HIF1AN: variants seen among roughly 807,000 people sequenced by gnomAD.
HIF1AN encodes the protein hypoxia-inducible factor 1-alpha inhibitor.
A neutral mutation model predicts 47.7 loss-of-function variants in HIF1AN; 21 were observed. That is an observed-to-expected ratio of 0.44 (90% CI 0.31 to 0.63). The LOEUF (loss-of-function observed/expected upper bound fraction) is 0.63. HIF1AN is among the 30% of genes least tolerant of loss of function. The pLI is 0.07. For synonymous variants in HIF1AN, 152 were observed against 155.9 expected (o/e 0.98, Z 0.18); for missense variants, 320 against 432.7 (o/e 0.74, Z 2.31).
Position 100,547,166 on chromosome 10 carries a change from A to G in HIF1AN, c.921A>G (p.Glu307=), listed in dbSNP as rs1300649533. 1 of 1,613,766 alleles carries G rather than the reference A, an allele frequency of 6.2e-7. No homozygotes were observed. The highest frequency in any genetic ancestry group is 1.7e-5 in the Admixed American group (1 of 59,998). ...GGGCTCCCACCCCTAAGAGAATTGA[A>G]TATCCTCTCAAAGCTCATCAGAAAG... ...YKGAPTPKRI[E]YPLKAHQKVA... is the part of the protein sequence containing the mutation. Residue 307 remains glutamate, a synonymous_variant, in exon 7 of 8, where the codon GAA becomes GAG. Transcript: ENST00000299163.
rs1286854720 is a variant in HIF1AN, at chr10:100,554,915, C to G, written c.*6778C>G. ...ATGTTAATAGCTACCATTTGTTGAA[C>G]ACTTCTGTTCCAGGCACTGTATTAG... On this transcript the variant is annotated 3_prime_UTR_variant, in exon 8 of 8. Coordinates refer to ENST00000299163, the MANE Select transcript of HIF1AN (RefSeq NM_017902.3). The G allele has an allele frequency of 6.6e-6, 1 of 151,908 alleles. No individual in the cohort carries two copies. Among genetic ancestry groups the G allele is most frequent in the Non-Finnish European group, 1.5e-5 (1 of 67,986 alleles). The allele number at this position is 151,908 out of a possible 1,614,324, so 9.4% of individuals were successfully genotyped here.
Position 100,536,019 on chromosome 10 carries a change from G to C in HIF1AN, c.61G>C (p.Gly21Arg), listed in dbSNP as rs1401164215. The C allele has an allele frequency of 1.9e-6, 3 of 1,589,562 alleles. No homozygotes were observed. The South Asian group carries it at 3.4e-5, about 18-fold the overall frequency. ...SGSGEPREEAGALGPAWDESQ... is the reference protein window; with the variant it reads ...SGSGEPREEARALGPAWDESQ... Reference sequence around the variant, plus strand: ...CTCTGGAGAGCCCCGGGAGGAGGCTGGAGCCCTCGGCCCCGCCTGGGATGA... The same window carrying C: ...CTCTGGAGAGCCCCGGGAGGAGGCTCGAGCCCTCGGCCCCGCCTGGGATGA... The change falls in exon 1 of 8, where the codon GGA (glycine) becomes CGA (arginine). Residue 21 changes from glycine to arginine, a missense_variant. Gly to Arg is a moderately radical substitution (Grantham distance 125). Coordinates refer to ENST00000299163, the MANE Select transcript of HIF1AN (RefSeq NM_017902.3).
intron 3 of HIF1AN, 85 bp from the exon 4 acceptor site, chr10:100,544,866 G>T (rs1254844888): frequency 3.8e-6 from 5 of 1,303,950 alleles, no homozygotes; most frequent in Non-Finnish European, 5.3e-6. Flanking sequence ...GGGCAGGCTG[G>T]GTTTCTCTTT....
rs374227702 is a variant in HIF1AN at position 100,546,463 on chromosome 10, T to G, written c.831-55T>G. 55 of 324,216 alleles carry G rather than the reference T, an allele frequency of 1.7e-4. No individual in the cohort carries two copies. The African/African-American group carries it at 3.3e-3, about 19-fold the overall frequency. The allele number at this position is 324,216 out of a possible 1,614,324, so 20.1% of individuals were successfully genotyped here. A position where few individuals can be genotyped will look rare whatever the true frequency, so the allele number is the denominator to read the frequency against. On this transcript the variant is annotated intron_variant, in intron 5 of 7. Transcript: ENST00000299163. Reference sequence around the variant, plus strand: ...CTGCCACCCCCCCGCACTTCGCCCCTCCGCCCCCGCCAAAAGTATCAGTAG... The same window carrying G: ...CTGCCACCCCCCCGCACTTCGCCCCGCCGCCCCCGCCAAAAGTATCAGTAG...
chr10:100,537,454 C>T (rs573339430), intron 2 of HIF1AN, among the ~76,000 whole-genome samples: 5 of 152,234 alleles, frequency 3.3e-5, no homozygotes, highest in African/African-American at 1.2e-4. Flanking sequence ...GATAGTTCAA[C>T]CTGAAAAGTT....
intron 4 of HIF1AN, 155 bp downstream of exon 4, chr10:100,545,251 C>A: frequency 1.3e-6 from 1 of 742,146 alleles, no homozygotes; most frequent in Admixed American, 3.1e-5. Context: ...TTGTAGCTCA[C>A]ATATTCCAGG....
rs981780369 is a variant in HIF1AN, at chr10:100,558,229, G to A, written c.*10092G>A. 1.3e-5 allele frequency: 2 copies of A among 152,262 alleles called. No homozygotes were observed. The highest frequency in any genetic ancestry group is 4.8e-5 in the African/African-American group (2 of 41,458). The allele number at this position is 152,262 out of a possible 1,614,324, so 9.4% of individuals were successfully genotyped here. ...CTAAGGGTGAGGAGGCCAGCATTCT[G>A]TCAGGAGAACCTTAGGAATTGTGAC... On this transcript the variant is annotated 3_prime_UTR_variant, in exon 8 of 8. Transcript: ENST00000299163.
rs1456708207 is a variant in HIF1AN at position 100,545,419 on chromosome 10, A to C, written c.723+323A>C. 3.5e-5 allele frequency: 10 copies of C among 285,312 alleles called. No individual in the cohort carries two copies. The East Asian group carries it at 6.4e-4, about 18-fold the overall frequency. 17.7% of individuals were successfully genotyped at this position (285,312 alleles called of 1,614,324 possible). On this transcript the variant is annotated intron_variant, in intron 4 of 7. Coordinates refer to ENST00000299163, the MANE Select transcript of HIF1AN (RefSeq NM_017902.3). Reference sequence around the variant, plus strand: ...AATGTGTATGTCTCCATTGGATTTAATCATTGTTTGCTTTTGTCATGGATG... The same window carrying C: ...AATGTGTATGTCTCCATTGGATTTACTCATTGTTTGCTTTTGTCATGGATG...
At chr10:100,542,443 TC>T (rs1418040696) in intron 3 of HIF1AN, among the ~76,000 whole-genome samples, 1 of 152,176 alleles carries the variant, frequency 6.6e-6, no homozygotes, top group Non-Finnish European at 1.5e-5. Flanking sequence ...AAGCTCCGCC[TC>T]CCAGGTTCAC....
chr10:100,536,718 A>G, intron 2 of HIF1AN, 57 bp downstream of exon 2: 2 of 1,591,932 alleles, frequency 1.3e-6, no homozygotes, highest in Non-Finnish European at 1.7e-6. Context: ...TTTCTTTCCT[A>G]TACTTGTTTG....
intron 3 of HIF1AN, among the ~76,000 whole-genome samples, chr10:100,542,221 G>A (rs747894189): frequency 2.6e-5 from 4 of 151,596 alleles, no homozygotes; most frequent in Non-Finnish European, 5.9e-5. Flanking sequence ...ATCTGTTGTC[G>A]ACTAAAATGT....
intron 4 of HIF1AN, 73 bp downstream of exon 4, chr10:100,545,169 C>T (rs1843081982): frequency 1.3e-6 from 2 of 1,517,600 alleles, no homozygotes; most frequent in African/African-American, 2.7e-5. Context: ...TGTCTTTCCC[C>T]TTCCCCGTAG....
At chr10:100,546,876 A>T (rs1466609390) in intron 6 of HIF1AN, among the ~76,000 whole-genome samples, 1 of 151,906 alleles carries the variant, frequency 6.6e-6, no homozygotes, top group African/African-American at 2.4e-5. Context: ...AGTAGTTGGG[A>T]TTATAGGCAC....
Position 100,548,217 on chromosome 10 carries a change from A to G in HIF1AN, c.*80A>G. On this transcript the variant is annotated 3_prime_UTR_variant, in exon 8 of 8. Coordinates refer to ENST00000299163, the MANE Select transcript of HIF1AN (RefSeq NM_017902.3). ...TCATTGATGAGGACAGGAGACTCCA[A>G]GCGCTAGTATTGCACGCTGCACTTA... 7.9e-7 allele frequency: 1 copy of G among 1,263,634 alleles called. No individual in the cohort carries two copies. Among genetic ancestry groups the G allele is most frequent in the Non-Finnish European group, 1.1e-6 (1 of 905,664 alleles). The allele number at this position is 1,263,634 out of a possible 1,614,324, so 78.3% of individuals were successfully genotyped here. A position where few individuals can be genotyped will look rare whatever the true frequency, so the allele number is the denominator to read the frequency against.
At position 100,554,336 on chromosome 10, in the gene HIF1AN, TTTAAA is replaced by T. The variant is rs1277492131; in HGVS notation, c.*6203_*6207del. ...ATTTTAGTCCATGCCTTTCCATGTA[TTTAAA>T]TTATATAAGTGTTGGCCAGGTGTGG... On this transcript the variant is annotated 3_prime_UTR_variant, in exon 8 of 8. Coordinates refer to ENST00000299163, the MANE Select transcript of HIF1AN (RefSeq NM_017902.3). The T allele has an allele frequency of 6.6e-6, 1 of 152,132 alleles. No individual in the cohort carries two copies. Among genetic ancestry groups the T allele is most frequent in the Non-Finnish European group, 1.5e-5 (1 of 68,020 alleles). The allele number at this position is 152,132 out of a possible 1,614,324, so 9.4% of individuals were successfully genotyped here.
chr10:100,540,268 A>C lies in HIF1AN; in HGVS notation c.429-366A>C, dbSNP rs112883844. On this transcript the variant is annotated intron_variant, in intron 2 of 7. Transcript: ENST00000299163. ...AGGTTAAGCATCACTTCTTTAAAGA[A>C]AAAGTTTGGGGGCCAGATGCAGTGT... 4.1e-3 allele frequency among the ~76,000 whole-genome samples: 627 copies of C among 152,048 alleles called. 5 individuals are homozygous for C. Among genetic ancestry groups the C allele is most frequent in the African/African-American group, 0.014 (583 of 41,364 alleles).
chr10:100,540,848 A>C (rs894269252), intron 3 of HIF1AN, 66 bp downstream of exon 3: 2 of 1,374,366 alleles, frequency 1.5e-6, no homozygotes, highest in Middle Eastern at 3.9e-4. Flanking sequence ...TCCTGTCTTC[A>C]CCGCTTATTA....
chr10:100,546,832 C>T (rs185865617), intron 6 of HIF1AN, among the ~76,000 whole-genome samples: 48 of 152,064 alleles, frequency 3.2e-4, no homozygotes, highest in African/African-American at 9.4e-4. Flanking sequence ...TTCTGCCTCC[C>T]GGGTTCAAGT....
Position 100,540,709 on chromosome 10 carries a change from C to T in HIF1AN, c.504C>T (p.Asn168=), listed in dbSNP as rs776085325. Reference sequence around the variant, plus strand: ...TGGACTTCTTAGGTTTTAACTGGAACTGGATTAATAAGCAACAGGGAAAGC... The same window carrying T: ...TGGACTTCTTAGGTTTTAACTGGAATTGGATTAATAAGCAACAGGGAAAGC... The part of the protein sequence containing the change: ...IVMDFLGFNW[N]WINKQQGKRG... The change falls in exon 3 of 8, where the codon AAC becomes AAT. Residue 168 remains asparagine (N), a synonymous_variant. Transcript: ENST00000299163. The T allele has an allele frequency of 1.2e-6, 2 of 1,613,818 alleles. No homozygotes were observed. Among genetic ancestry groups the T allele is most frequent in the African/African-American group, 2.7e-5 (2 of 74,904 alleles).
Sources: gnomAD v4.1 joint callset for allele counts (sites outside exome capture counted in the v4.1 genomes callset) on GRCh38, gnomAD v4.1.1 for gene constraint, MANE v1.5 for transcripts, NCBI Gene and HGNC (gene_info 2026-07-23, HGNC 2026-07-21) for gene names.